Variants in MMRN2 observed in about 807,000 individuals in gnomAD.
MMRN2 encodes the protein multimerin-2.
In MMRN2, 53 loss-of-function variants were observed where a neutral mutation model predicts 68.8. The ratio of observed to expected loss-of-function variants is 0.77; its 90% CI spans 0.62 to 0.97. MMRN2 has a LOEUF of 0.97. MMRN2 is among the 50% of genes least tolerant of loss of function. The pLI, the probability that MMRN2 is intolerant of heterozygous loss-of-function variation, is 0.00. For missense variants in MMRN2, 1,266 were observed against 1,259.5 expected, an observed-to-expected ratio of 1.01 and a Z score of -0.08; for synonymous variants, 564 against 551.6, an observed-to-expected ratio of 1.02 and a Z score of -0.32.
chr10:86,950,280 T>C (rs1434018652), intron 1 of MMRN2, among the ~76,000 whole-genome samples: 1 of 151,476 alleles, frequency 6.6e-6, no homozygotes, highest in South Asian at 2.1e-4. Flanking sequence ...GCAGAGGTTG[T>C]GGTGGGCCAA....
chr10:86,948,906 T>C (rs549604335), intron 1 of MMRN2: 1 of 152,204 alleles, frequency 6.6e-6, no homozygotes, highest in Non-Finnish European at 1.5e-5. Flanking sequence ...CAGTGAGCTA[T>C]GATTGCGCCA....
At chr10:86,945,532 G>C in intron 2 of MMRN2, 29 bp downstream of exon 2, 1 of 1,569,178 alleles carries the variant, frequency 6.4e-7, no homozygotes, top group Non-Finnish European at 8.6e-7. Flanking sequence ...CTCCAGGCCT[G>C]GGCAAATGGC....
In MMRN2 at chr10:86,953,581, T is replaced by G. The variant is rs1589307393; in HGVS notation, c.164+3797A>C. On this transcript the variant is annotated intron_variant, in intron 1 of 6. Transcript: ENST00000372027. The stretch of plus-strand genomic sequence containing the variant: ...GAGGGTACTTTCCCCAGGTGCATTG[T>G]CACGACTGGGTGGTGGGTGCTACTC... Among the ~76,000 whole-genome samples the G allele has an allele frequency of 2.0e-5, 3 of 152,166 alleles. No individual in the cohort carries two copies. The South Asian group carries it at 6.2e-4, about 32-fold the overall frequency.
At position 86,943,826 on chromosome 10, in the gene MMRN2, AGTGCTGGGC is replaced by A. The variant is rs774204614; in HGVS notation, c.949_957del (p.Ala317_His319del). ...TCTGAGATCGAGCGGTGCAGGGTAAAGTGCTGGGCGTGCAGGCGGTCCTCCACGTCCTGT... is the reference window on the plus strand; with the variant it reads ...TCTGAGATCGAGCGGTGCAGGGTAAAGTGCAGGCGGTCCTCCACGTCCTGT... On this transcript the variant is annotated inframe_deletion, in exon 6 of 7. Coordinates refer to ENST00000372027, the MANE Select transcript of MMRN2 (RefSeq NM_024756.3). The surrounding 1 kb of genome is among the most constrained non-coding windows in gnomAD (Gnocchi z 4.2). The A allele has an allele frequency of 1.8e-5, 29 of 1,612,098 alleles. No homozygotes were observed. In the South Asian group the frequency reaches 3.2e-4, roughly 18 times the overall value.
intron 1 of MMRN2, among the ~76,000 whole-genome samples, chr10:86,952,599 G>A (rs1189957586): frequency 6.6e-6 from 1 of 152,174 alleles, no homozygotes; most frequent in Admixed American, 6.5e-5. Flanking sequence ...ACTTCAAAAG[G>A]GGAGGGGGTG....
chr10:86,938,841 G>C (rs921742064), intron 6 of MMRN2, among the ~76,000 whole-genome samples: 1 of 152,238 alleles, frequency 6.6e-6, no homozygotes, highest in African/African-American at 2.4e-5. Flanking sequence ...TTAGACAGCT[G>C]AGAATAGCTT....
intron 1 of MMRN2, among the ~76,000 whole-genome samples, chr10:86,953,556 G>A (rs561727052): frequency 6.6e-6 from 1 of 152,324 alleles, no homozygotes; most frequent in South Asian, 2.1e-4. Flanking sequence ...AATGGGAGGA[G>A]AGGGTACTTT....
Position 86,942,594 on chromosome 10 carries a change from A to AGGCGTTG in MMRN2, c.2189_2190insCAACGCC (p.His731AsnfsTer130). ...CGAAGAGTGCGTTGTGGAGGCCGTG[A>AGGCGTTG]AGGGAGGCGTTGAGGGAGGCGGCCC... On this transcript the variant is annotated frameshift_variant, in exon 6 of 7. Transcript: ENST00000372027. LOFTEE classifies it high-confidence loss of function. 1 of 1,609,102 alleles carries AGGCGTTG rather than the reference A, an allele frequency of 6.2e-7. No homozygotes were observed. Among genetic ancestry groups the AGGCGTTG allele is most frequent in the Non-Finnish European group, 8.5e-7 (1 of 1,179,758 alleles).
At chr10:86,946,591 G>A (rs529285077) in intron 1 of MMRN2, among the ~76,000 whole-genome samples, 2 of 152,264 alleles carry the variant, frequency 1.3e-5, no homozygotes, top group East Asian at 1.9e-4. Context: ...AGGAGCGGGG[G>A]GACACTCATG....
intron 1 of MMRN2, among the ~76,000 whole-genome samples, chr10:86,946,222 C>T (rs1012622760): frequency 6.6e-6 from 1 of 152,214 alleles, no homozygotes; most frequent in Admixed American, 6.5e-5. Context: ...CCCATCTATA[C>T]AATGGCGATC....
chr10:86,953,291 G>A (rs1844168762), intron 1 of MMRN2, among the ~76,000 whole-genome samples: 2 of 152,108 alleles, frequency 1.3e-5, no homozygotes, highest in Admixed American at 1.3e-4. Context: ...GAAATTATGA[G>A]TATTATTAGG....
rs1198869255 is a variant in MMRN2, at chr10:86,942,914, C to T, written c.1870G>A (p.Glu624Lys). 2.0e-6 allele frequency: 3 copies of T among 1,491,228 alleles called. No homozygotes were observed. The highest frequency in any genetic ancestry group is 1.8e-6 in the Non-Finnish European group (2 of 1,120,830). 92.4% of individuals were successfully genotyped at this position (1,491,228 alleles called of 1,614,324 possible). The change falls in exon 6 of 7, where the codon GAG (glutamate) becomes AAG (lysine). Residue 624 changes from glutamate to lysine, a missense_variant. Coordinates refer to ENST00000372027, the MANE Select transcript of MMRN2 (RefSeq NM_024756.3). The stretch of plus-strand genomic sequence containing the variant: ...AGGGGCAGCGGTCCCGGCGTCTGCT[C>T]AGACATCTCCTCCAGCACCTCCTCC... ...FGEEVLEEMS[E>K]QTPGPLPLSY...
chr10:86,947,721 CA>C (rs200298960), intron 1 of MMRN2, among the ~76,000 whole-genome samples: 2,060 of 152,204 alleles, frequency 0.014, 14 homozygotes, highest in Non-Finnish European at 0.02. Flanking sequence ...ACCCTCTCAG[CA>C]GCAGACTGGA....
intron 1 of MMRN2, among the ~76,000 whole-genome samples, chr10:86,948,256 G>A (rs1844097524): frequency 2.0e-5 from 3 of 150,734 alleles, no homozygotes; most frequent in African/African-American, 4.9e-5. Context: ...GGTTGAAGTG[G>A]GCAAACAAAA....
chr10:86,943,090 C>T lies in MMRN2; in HGVS notation c.1694G>A (p.Arg565Gln). 1.4e-6 allele frequency: 2 copies of T among 1,450,472 alleles called. No individual in the cohort carries two copies. Among genetic ancestry groups the T allele is most frequent in the Non-Finnish European group, 9.0e-7 (1 of 1,110,888 alleles). The allele number at this position is 1,450,472 out of a possible 1,614,324, so 89.9% of individuals were successfully genotyped here. ...ERARAATSRL[R>Q]SQVQALDDEV... ...GTCATCCAGCGCCTGCACTTGGCTC[C>T]GGAGCCGCGACGTGGCCGCCCGCGC... Residue 565 changes from arginine to glutamine, a missense_variant, in exon 6 of 7, where the codon CGG (arginine) becomes CAG (glutamine). Arg to Gln is a conservative substitution (Grantham distance 43). Coordinates refer to ENST00000372027, the MANE Select transcript of MMRN2 (RefSeq NM_024756.3). The surrounding 1 kb of genome is among the most constrained non-coding windows in gnomAD (Gnocchi z 4.2).
At chr10:86,955,175 T>C (rs1211051094) in intron 1 of MMRN2, among the ~76,000 whole-genome samples, 5 of 151,904 alleles carry the variant, frequency 3.3e-5, no homozygotes, top group Non-Finnish European at 5.9e-5. Flanking sequence ...ATCATAGCAA[T>C]GTGATAGATG....
At chr10:86,949,305 A>G (rs1844112201) in intron 1 of MMRN2, 1 of 152,196 alleles carries the variant, frequency 6.6e-6, no homozygotes, top group East Asian at 1.9e-4. Context: ...GAATAAAGAC[A>G]TTTTCAAACA....
At chr10:86,941,798 TA>T (rs55898424) in intron 6 of MMRN2, among the ~76,000 whole-genome samples, 1,628 of 114,964 alleles carry the variant, frequency 0.014, 16 homozygotes, top group African/African-American at 0.033. Context: ...AGACCCATCT[TA>T]AAAAAAAAAA....
At chr10:86,955,739 G>C (rs916107712) in intron 1 of MMRN2, among the ~76,000 whole-genome samples, 6 of 152,190 alleles carry the variant, frequency 3.9e-5, no homozygotes, top group African/African-American at 1.4e-4. Context: ...CAGCCCATCC[G>C]GGTTTGGTGA....
Sources: allele counts gnomAD v4.1 joint callset (sites outside exome capture counted in the v4.1 genomes callset), GRCh38; gene constraint gnomAD v4.1.1; non-coding constraint Gnocchi (gnomAD v3.1); transcripts MANE v1.5; gene names NCBI Gene and HGNC (gene_info 2026-07-23, HGNC 2026-07-21).